The following BCL2L11 variants were observed in gnomAD, a reference collection of about 807,000 sequenced individuals.
BCL2L11 encodes bcl-2-like protein 11.
In BCL2L11, 15 loss-of-function variants were observed where a neutral mutation model predicts 20.6. That is an observed-to-expected ratio of 0.73 (90% CI 0.49 to 1.12). BCL2L11 has a LOEUF of 1.12. Among genes scored for constraint, BCL2L11 ranks in the 50% most tolerant of loss-of-function variants. The pLI is 0.00. For missense variants in BCL2L11, 292 were observed against 260.9 expected, an observed-to-expected ratio of 1.12 and a Z score of -0.82; for synonymous variants, 108 against 92.8, an observed-to-expected ratio of 1.16 and a Z score of -0.94.
intron 2 of BCL2L11, among the ~76,000 whole-genome samples, chr2:111,124,606 CAA>C (rs993277358): frequency 2.0e-5 from 3 of 152,164 alleles, no homozygotes; most frequent in African/African-American, 7.2e-5. Flanking sequence ...AACATTTTTA[CAA>C]AGTTACTAAC....
chr2:111,134,756 T>G (rs1308217560), intron 2 of BCL2L11, among the ~76,000 whole-genome samples: 2 of 152,226 alleles, frequency 1.3e-5, no homozygotes, highest in African/African-American at 4.8e-5. Flanking sequence ...TATTTCCCCT[T>G]CAGTCCAGAA....
At chr2:111,158,372 A>G (rs897043280) in intron 3 of BCL2L11, among the ~76,000 whole-genome samples, 3 of 152,028 alleles carry the variant, frequency 2.0e-5, no homozygotes, top group African/African-American at 7.2e-5. Context: ...GCCCCTGGGT[A>G]TTCTCAGGCT....
chr2:111,120,982 C>CGCTGCCGCT lies in BCL2L11; in HGVS notation c.-218_-217insTGCCGCTGC, dbSNP rs879726911. The CGCTGCCGCT allele has an allele frequency of 9.1e-3, 309 of 34,126 alleles. 5 individuals are homozygous for CGCTGCCGCT. Among genetic ancestry groups the CGCTGCCGCT allele is most frequent in the Middle Eastern group, 0.017 (2 of 118 alleles). The allele number at this position is 34,126 out of a possible 1,614,324, so 2.1% of individuals were successfully genotyped here. ...CTGCGTCCAGCGCCGCTGCCGCTGCCGCCGCCGCCGCCGCCGCCGCCGCCG... is the reference window on the plus strand; with the variant it reads ...CTGCGTCCAGCGCCGCTGCCGCTGCCGCTGCCGCTGCCGCCGCCGCCGCCGCCGCCGCCG... On this transcript the variant is annotated 5_prime_UTR_variant, in exon 1 of 4. Coordinates refer to ENST00000393256, the MANE Select transcript of BCL2L11 (RefSeq NM_138621.5).
At chr2:111,138,064 A>T (rs2075225155) in intron 2 of BCL2L11, among the ~76,000 whole-genome samples, 1 of 143,764 alleles carries the variant, frequency 7.0e-6, no homozygotes, top group Admixed American at 7.1e-5. Flanking sequence ...GCTGGAATGC[A>T]GTGCCATGAT....
rs1465879075 is a variant in BCL2L11, at chr2:111,120,979, T to TGCCGCTGCCGCTGCCGCTGCCGCCGCC, written c.-218_-217insTGCCGCTGCCGCTGCCGCCGCCGCCGC. Reference sequence around the variant, plus strand: ...GCTCTGCGTCCAGCGCCGCTGCCGCTGCCGCCGCCGCCGCCGCCGCCGCCG... The same window carrying TGCCGCTGCCGCTGCCGCTGCCGCCGCC: ...GCTCTGCGTCCAGCGCCGCTGCCGCTGCCGCTGCCGCTGCCGCTGCCGCCGCCGCCGCCGCCGCCGCCGCCGCCGCCG... On this transcript the variant is annotated 5_prime_UTR_variant, in exon 1 of 4. Coordinates refer to ENST00000393256, the MANE Select transcript of BCL2L11 (RefSeq NM_138621.5). 5 of 305,322 alleles carry TGCCGCTGCCGCTGCCGCTGCCGCCGCC rather than the reference T, an allele frequency of 1.6e-5. No homozygotes were observed. The highest frequency in any genetic ancestry group is 1.2e-4 in the African/African-American group (5 of 42,390). The allele number at this position is 305,322 out of a possible 1,614,324, so 18.9% of individuals were successfully genotyped here.
chr2:111,146,506 C>T (rs2076530916), intron 2 of BCL2L11, among the ~76,000 whole-genome samples: 1 of 152,140 alleles, frequency 6.6e-6, no homozygotes. Flanking sequence ...TGCCAAACCC[C>T]ACGGGCTCCA....
At chr2:111,142,560 G>A (rs910795466) in intron 2 of BCL2L11, among the ~76,000 whole-genome samples, 7 of 152,174 alleles carry the variant, frequency 4.6e-5, no homozygotes, top group African/African-American at 1.4e-4. Flanking sequence ...AGTTTTAACC[G>A]TATACATTAT....
At chr2:111,140,554 C>T (rs952167205) in intron 2 of BCL2L11, among the ~76,000 whole-genome samples, 1 of 152,078 alleles carries the variant, frequency 6.6e-6, no homozygotes, top group Non-Finnish European at 1.5e-5. Context: ...GAGCCAAGCT[C>T]GATAACCTGA....
At chr2:111,151,466 C>T (rs528451959) in intron 3 of BCL2L11, among the ~76,000 whole-genome samples, 2 of 151,838 alleles carry the variant, frequency 1.3e-5, no homozygotes, top group African/African-American at 2.4e-5. Flanking sequence ...TCTTTTTTTT[C>T]TGAACGTTGT....
chr2:111,128,267 A>T (rs56354417), intron 2 of BCL2L11, among the ~76,000 whole-genome samples: 1 of 152,138 alleles, frequency 6.6e-6, no homozygotes, highest in African/African-American at 2.4e-5. Flanking sequence ...GCAACATGTC[A>T]GAATTTCCTT....
chr2:111,153,470 TA>T (rs1032677449), intron 3 of BCL2L11, among the ~76,000 whole-genome samples: 34 of 152,312 alleles, frequency 2.2e-4, no homozygotes, highest in Admixed American at 1.2e-3. Context: ...CTTGTTAGAT[TA>T]AAAACAGTCC....
intron 2 of BCL2L11, among the ~76,000 whole-genome samples, chr2:111,146,864 T>A (rs1180296803): frequency 6.6e-6 from 1 of 152,220 alleles, no homozygotes; most frequent in Non-Finnish European, 1.5e-5. Flanking sequence ...ATAGTCTTTA[T>A]AGCCATGTAC....
chr2:111,121,604 G>T (rs1038408001), intron 1 of BCL2L11, among the ~76,000 whole-genome samples: 1 of 152,240 alleles, frequency 6.6e-6, no homozygotes, highest in African/African-American at 2.4e-5. Context: ...TAGCGGCCGC[G>T]CAGTGTGAGG....
intron 3 of BCL2L11, among the ~76,000 whole-genome samples, chr2:111,153,364 G>A (rs1419851456): frequency 1.3e-5 from 2 of 151,938 alleles, no homozygotes; most frequent in Non-Finnish European, 2.9e-5. Context: ...CCACAAGAGC[G>A]AAACTCCATC....
At chr2:111,133,446 T>C (rs192640736) in intron 2 of BCL2L11, among the ~76,000 whole-genome samples, 139 of 152,316 alleles carry the variant, frequency 9.1e-4, no homozygotes, top group Non-Finnish European at 1.4e-3. Context: ...TTGAGTTCTG[T>C]CTATATATTT....
rs932294355 is a variant in BCL2L11 at position 111,164,488 on chromosome 2, T to G, written c.*257T>G. Reference sequence around the variant, plus strand: ...TTGCTTTTTAATATACAAACCATGGTTTTTTGGAGCAGGATTTTGTGTAAG... The same window carrying G: ...TTGCTTTTTAATATACAAACCATGGGTTTTTGGAGCAGGATTTTGTGTAAG... On this transcript the variant is annotated 3_prime_UTR_variant, in exon 4 of 4. Coordinates refer to ENST00000393256, the MANE Select transcript of BCL2L11 (RefSeq NM_138621.5). The G allele has an allele frequency of 5.9e-6, 2 of 338,260 alleles. No homozygotes were observed. The highest frequency in any genetic ancestry group is 5.4e-6 in the Non-Finnish European group (1 of 184,394). 21.0% of individuals were successfully genotyped at this position (338,260 alleles called of 1,614,324 possible). A position where few individuals can be genotyped will look rare whatever the true frequency, so the allele number is the denominator to read the frequency against.
intron 3 of BCL2L11, among the ~76,000 whole-genome samples, chr2:111,160,390 C>T (rs967023003): frequency 2.6e-5 from 4 of 152,212 alleles, no homozygotes; most frequent in South Asian, 2.1e-4. Flanking sequence ...TACACAGACA[C>T]GTGCCTTGAA....
At chr2:111,136,737 T>TG (rs1174476464) in intron 2 of BCL2L11, among the ~76,000 whole-genome samples, 1 of 152,184 alleles carries the variant, frequency 6.6e-6, no homozygotes, top group African/African-American at 2.4e-5. Context: ...CCCATTCCAA[T>TG]GGCCCCACCT....
Position 111,157,131 on chromosome 2 carries a change from T to A in BCL2L11, c.498+6984T>A, listed in dbSNP as rs2077966198. Reference sequence around the variant, plus strand: ...TTTGCACCACGTGTGAGTGCTCATCTGTTTGGCAGGTGCCTACACCTGCAG... The same window carrying A: ...TTTGCACCACGTGTGAGTGCTCATCAGTTTGGCAGGTGCCTACACCTGCAG... On this transcript the variant is annotated intron_variant, in intron 3 of 3. Transcript: ENST00000393256. Among the ~76,000 whole-genome samples the A allele has an allele frequency of 5.3e-5, 8 of 152,224 alleles. No homozygotes were observed. In the South Asian group the frequency reaches 1.7e-3, roughly 32 times the overall value.
Sources: gnomAD v4.1 joint callset for allele counts (sites outside exome capture counted in the v4.1 genomes callset) on GRCh38, gnomAD v4.1.1 for gene constraint, MANE v1.5 for transcripts, NCBI Gene and HGNC (gene_info 2026-07-23, HGNC 2026-07-21) for gene names.